Variants in SMC5 observed in about 807,000 individuals in gnomAD.
The protein encoded by SMC5 is structural maintenance of chromosomes 5.
In SMC5, 88 loss-of-function variants were observed where a neutral mutation model predicts 148.3. The ratio of observed to expected loss-of-function variants is 0.59; its 90% CI spans 0.50 to 0.71. The LOEUF (loss-of-function observed/expected upper bound fraction) is 0.71. Ranked by LOEUF, SMC5 falls within the 30% of genes least tolerant of loss-of-function variation. The pLI is 0.00. For missense variants in SMC5, 1,142 were observed against 1,298.9 expected (o/e 0.88, Z 1.86); for synonymous variants, 421 against 432.8 (o/e 0.97, Z 0.34).
At position 70,264,376 on chromosome 9, in the gene SMC5, G is replaced by A; in HGVS notation, c.258G>A (p.Lys86=). 1 of 1,614,088 alleles carries A rather than the reference G, an allele frequency of 6.2e-7. No individual in the cohort carries two copies. Among genetic ancestry groups the A allele is most frequent in the Non-Finnish European group, 8.5e-7 (1 of 1,179,954 alleles). The change falls in exon 2 of 25, where the codon AAG becomes AAA. Residue 86 remains lysine, a synonymous_variant. Transcript: ENST00000361138. ...TCGTTGGAGCCAATGGAACAGGGAA[G>A]TCGAGCATTGTGTGTGCCATTTGCC... The part of the protein sequence containing the change: ...NMIVGANGTG[K]SSIVCAICLG...
At chr9:70,327,343 AATAG>A (rs1392458503) in intron 17 of SMC5, among the ~76,000 whole-genome samples, 2 of 152,258 alleles carry the variant, frequency 1.3e-5, no homozygotes, top group African/African-American at 4.8e-5. Flanking sequence ...ATGAAGAGAT[AATAG>A]ATAGAAACTT....
At chr9:70,267,529 G>C (rs1476220801) in intron 2 of SMC5, among the ~76,000 whole-genome samples, 1 of 152,200 alleles carries the variant, frequency 6.6e-6, no homozygotes, top group Admixed American at 6.5e-5. Flanking sequence ...TGAGTGCTTA[G>C]TGGTTATACT....
chr9:70,323,946 T>C, intron 16 of SMC5, 75 bp from the exon 17 acceptor site: 1 of 1,317,564 alleles, frequency 7.6e-7, no homozygotes, highest in East Asian at 2.5e-5. Flanking sequence ...TAATTTTGTT[T>C]TAAAAAACTA....
At chr9:70,286,392 C>T in intron 8 of SMC5, 121 bp downstream of exon 8, 1 of 625,216 alleles carries the variant, frequency 1.6e-6, no homozygotes, top group South Asian at 2.2e-5. Flanking sequence ...TTCTCTATTT[C>T]TTAATCCGAG....
At position 70,286,301 on chromosome 9, in the gene SMC5, A is replaced by C. The variant is rs376743322; in HGVS notation, c.1053+30A>C. 42 of 1,416,520 alleles carry C rather than the reference A, an allele frequency of 3.0e-5. No individual in the cohort carries two copies. The East Asian group carries it at 6.5e-4, about 22-fold the overall frequency. 87.7% of individuals were successfully genotyped at this position (1,416,520 alleles called of 1,614,324 possible). On this transcript the variant is annotated intron_variant, in intron 8 of 24. Coordinates refer to ENST00000361138, the MANE Select transcript of SMC5 (RefSeq NM_015110.4). The stretch of plus-strand genomic sequence containing the variant: ...GGTTTCATACTAAAATTTTTATTAC[A>C]TTAAAGTTTGCTCTAACTTTTGTTT...
intron 2 of SMC5, 69 bp downstream of exon 2, chr9:70,264,514 A>G: frequency 1.3e-6 from 2 of 1,526,640 alleles, no homozygotes; most frequent in Non-Finnish European, 1.8e-6. Flanking sequence ...ATCAATTTCT[A>G]CACCTCAGTT....
chr9:70,268,060 T>C (rs2034340977), intron 3 of SMC5, 85 bp downstream of exon 3: 1 of 1,023,232 alleles, frequency 9.8e-7, no homozygotes, highest in Non-Finnish European at 1.5e-6. Context: ...GAAAAGAGTA[T>C]TAATATAGTA....
chr9:70,350,314 CT>C, intron 23 of SMC5, 21 bp downstream of exon 23: 1 of 1,610,998 alleles, frequency 6.2e-7, no homozygotes, highest in Non-Finnish European at 8.5e-7. Context: ...TGTTCTGTTA[CT>C]TGGATCTTCT....
chr9:70,351,909 G>A (rs1475025382), intron 24 of SMC5, among the ~76,000 whole-genome samples: 1 of 151,900 alleles, frequency 6.6e-6, no homozygotes, highest in African/African-American at 2.4e-5. Flanking sequence ...AACCCTGTCT[G>A]TACTAAAAAT....
chr9:70,265,554 C>G (rs568674004), intron 2 of SMC5, among the ~76,000 whole-genome samples: 2 of 152,106 alleles, frequency 1.3e-5, no homozygotes, highest in East Asian at 1.9e-4. Flanking sequence ...ACTCTAAACT[C>G]TCATTAAATT....
At chr9:70,324,270 C>A in intron 17 of SMC5, 127 bp downstream of exon 17, 1 of 925,080 alleles carries the variant, frequency 1.1e-6, no homozygotes, top group Non-Finnish European at 1.6e-6. Flanking sequence ...AAATTTAATG[C>A]ATCATGTTGA....
At chr9:70,287,254 A>G (rs939574747) in intron 8 of SMC5, among the ~76,000 whole-genome samples, 1 of 151,982 alleles carries the variant, frequency 6.6e-6, no homozygotes, top group African/African-American at 2.4e-5. Context: ...CCTTTATAAT[A>G]TTGTTTTTTC....
intron 20 of SMC5, 96 bp downstream of exon 20, chr9:70,347,257 C>A: frequency 1.1e-6 from 1 of 910,954 alleles, no homozygotes; most frequent in Non-Finnish European, 1.7e-6. Context: ...CCAGTACTTG[C>A]CTCCCACTCT....
chr9:70,263,820 C>T lies in SMC5; in HGVS notation c.186-484C>T, dbSNP rs929910701. On this transcript the variant is annotated intron_variant, in intron 1 of 24. Transcript: ENST00000361138. ...TTTTTAAAAGTTAATAAAATGAAAC[C>T]TTTGGGTTGAGATATATCTTCAGTT... 2.6e-5 allele frequency among the ~76,000 whole-genome samples: 4 copies of T among 152,172 alleles called. No homozygotes were observed. The South Asian group carries it at 8.3e-4, about 32-fold the overall frequency.
chr9:70,339,460 C>G (rs1264510684), intron 17 of SMC5, among the ~76,000 whole-genome samples: 1 of 151,792 alleles, frequency 6.6e-6, no homozygotes, highest in East Asian at 1.9e-4. Flanking sequence ...AGAATGATGA[C>G]TAAAATTATG....
intron 22 of SMC5, among the ~76,000 whole-genome samples, chr9:70,348,286 A>G (rs2036720421): frequency 6.6e-6 from 1 of 152,134 alleles, no homozygotes; most frequent in Non-Finnish European, 1.5e-5. Context: ...ATGGTTATTC[A>G]GTTGTATTGA....
chr9:70,332,690 A>T (rs1197900015), intron 17 of SMC5, among the ~76,000 whole-genome samples: 1 of 152,234 alleles, frequency 6.6e-6, no homozygotes, highest in Non-Finnish European at 1.5e-5. Flanking sequence ...AAAATTCTTC[A>T]TATAATGTTA....
At chr9:70,266,257 G>C (rs1587614942) in intron 2 of SMC5, among the ~76,000 whole-genome samples, 2 of 152,132 alleles carry the variant, frequency 1.3e-5, no homozygotes, top group African/African-American at 4.8e-5. Context: ...AAATGTGTGT[G>C]TGTGTGTTTA....
chr9:70,272,055 G>T (rs1414496295), intron 3 of SMC5, among the ~76,000 whole-genome samples: 1 of 152,176 alleles, frequency 6.6e-6, no homozygotes, highest in East Asian at 1.9e-4. Context: ...AGAGAGCAAA[G>T]GCAAAAGCAA....
Sources: gnomAD v4.1 joint callset for allele counts (sites outside exome capture counted in the v4.1 genomes callset) on GRCh38, gnomAD v4.1.1 for gene constraint, MANE v1.5 for transcripts, NCBI Gene and HGNC (gene_info 2026-07-23, HGNC 2026-07-21) for gene names.